RASEF: variants seen among roughly 807,000 people sequenced by gnomAD.
RASEF encodes ras and EF-hand domain-containing protein.
In RASEF, 68 loss-of-function variants were observed where a neutral mutation model predicts 90.1. The observed-to-expected ratio is 0.75, with a 90% confidence interval of 0.62 to 0.92. RASEF has a LOEUF of 0.92. Among genes scored for constraint, RASEF ranks in the 40% least tolerant of loss-of-function variants. RASEF has a pLI of 0.00. For synonymous variants in RASEF, 331 were observed against 345.2 expected (o/e 0.96, Z 0.46); for missense variants, 949 against 937.2 (o/e 1.01, Z -0.16).
At chr9:82,996,722 C>G (rs554785915) in intron 14 of RASEF, among the ~76,000 whole-genome samples, 16 of 152,284 alleles carry the variant, frequency 1.1e-4, no homozygotes, top group African/African-American at 3.6e-4. Flanking sequence ...CCTAGGCTAC[C>G]TGGATTTTTA....
chr9:83,028,122 T>A (rs919672733), intron 1 of RASEF, among the ~76,000 whole-genome samples: 7 of 152,210 alleles, frequency 4.6e-5, no homozygotes, highest in Non-Finnish European at 8.8e-5. Flanking sequence ...AATACCAGCA[T>A]CAAATAATTC....
At chr9:83,059,335 C>T (rs1830164114) in intron 1 of RASEF, among the ~76,000 whole-genome samples, 1 of 140,982 alleles carries the variant, frequency 7.1e-6, no homozygotes, top group South Asian at 2.3e-4. Flanking sequence ...AATCTTTGAA[C>T]ACCAAGACTG....
chr9:83,214,686 T>G, the RASEF span, among the ~76,000 whole-genome samples: 1 of 152,032 alleles, frequency 6.6e-6, no homozygotes, highest in Non-Finnish European at 1.5e-5. Context: ...GTCTCAAAGA[T>G]CTGATGGTTT....
chr9:82,998,531 A>C, intron 12 of RASEF, 85 bp from the exon 13 acceptor site: 1 of 848,018 alleles, frequency 1.2e-6, no homozygotes, highest in South Asian at 1.4e-5. Context: ...ATGAAGCAAA[A>C]GCCAATAATA....
At chr9:83,116,034 T>C in the RASEF span, among the ~76,000 whole-genome samples, 1 of 152,158 alleles carries the variant, frequency 6.6e-6, no homozygotes, top group East Asian at 1.9e-4. Context: ...TATTCCAAAG[T>C]TAATGTAGTG....
chr9:83,041,462 CA>C (rs1330477122), intron 1 of RASEF, among the ~76,000 whole-genome samples: 3 of 152,192 alleles, frequency 2.0e-5, no homozygotes, highest in Non-Finnish European at 4.4e-5. Flanking sequence ...TCAAAAGTAT[CA>C]AACCAAGTAA....
At chr9:83,134,544 C>A in the RASEF span, among the ~76,000 whole-genome samples, 2 of 151,458 alleles carry the variant, frequency 1.3e-5, no homozygotes, top group Non-Finnish European at 2.9e-5. Context: ...GGCTTGTTAC[C>A]CACAGATTGG....
chr9:83,015,760 G>A, intron 4 of RASEF, 45 bp downstream of exon 4: 3 of 1,363,640 alleles, frequency 2.2e-6, no homozygotes, highest in Non-Finnish European at 3.2e-6. Flanking sequence ...TAGATACCCT[G>A]AGATGCTGAG....
At chr9:83,021,203 C>G (rs538484244) in intron 3 of RASEF, among the ~76,000 whole-genome samples, 1 of 152,172 alleles carries the variant, frequency 6.6e-6, no homozygotes, top group Non-Finnish European at 1.5e-5. Flanking sequence ...TCATGTCTAA[C>G]CCCTGTGAAG....
At chr9:83,111,890 A>C in the RASEF span, among the ~76,000 whole-genome samples, 1 of 152,060 alleles carries the variant, frequency 6.6e-6, no homozygotes, top group Non-Finnish European at 1.5e-5. Flanking sequence ...ACTATAAATG[A>C]CAAAATTAAA....
chr9:83,209,130 C>A, the RASEF span, among the ~76,000 whole-genome samples: 1 of 152,226 alleles, frequency 6.6e-6, no homozygotes, highest in Non-Finnish European at 1.5e-5. Context: ...ACTTTGGACA[C>A]TTCAAGGAGC....
intron 1 of RASEF, among the ~76,000 whole-genome samples, chr9:83,044,418 G>A (rs1304517512): frequency 1.3e-5 from 2 of 152,130 alleles, no homozygotes; most frequent in East Asian, 1.9e-4. Flanking sequence ...GGTGAAGACA[G>A]AGGGGTAGGA....
chr9:83,027,018 C>T (rs1368551327), intron 1 of RASEF, among the ~76,000 whole-genome samples: 1 of 152,158 alleles, frequency 6.6e-6, no homozygotes, highest in Non-Finnish European at 1.5e-5. Context: ...CCGTGACCCC[C>T]TCTTCAGTTC....
In RASEF at chr9:83,048,402, C is replaced by G; in HGVS notation, c.431+14035G>C. ...CAGGCCATCTACCTCGTGATTCTTG[C>G]TACTTTATATCCTCACTGATGTCAT... On this transcript the variant is annotated intron_variant, in intron 1 of 16. Coordinates refer to ENST00000376447, the MANE Select transcript of RASEF (RefSeq NM_152573.4). The G allele has an allele frequency of 3.0e-6, 3 of 985,322 alleles. No individual in the cohort carries two copies. In the African/African-American group the frequency reaches 5.2e-5, roughly 17 times the overall value. The allele number at this position is 985,322 out of a possible 1,614,324, so 61.0% of individuals were successfully genotyped here. A position where few individuals can be genotyped will look rare whatever the true frequency, so the allele number is the denominator to read the frequency against.
chr9:83,092,885 C>T, the RASEF span, among the ~76,000 whole-genome samples: 1 of 152,006 alleles, frequency 6.6e-6, no homozygotes, highest in Non-Finnish European at 1.5e-5. Context: ...TCTCCAAGGC[C>T]CCACCAGAGT....
the RASEF span, among the ~76,000 whole-genome samples, chr9:83,087,095 T>C: frequency 1.3e-5 from 2 of 152,194 alleles, no homozygotes; most frequent in South Asian, 2.1e-4. Context: ...GGGACTTGAA[T>C]ACCCAATAAG....
intron 1 of RASEF, chr9:83,054,834 G>GGT (rs1830073617): frequency 6.6e-6 from 1 of 151,382 alleles, no homozygotes; most frequent in African/African-American, 2.5e-5. Flanking sequence ...CCTGTTGGGG[G>GGT]GTGCCTCCCA....
rs1450709427 is a variant in RASEF, at chr9:83,008,891, CATATATATA to C, written c.959+741_959+749del. ...TCCCAACTAAATTTGAAGTTCTCAT[CATATATATA>C]TATATATATATATATATATATATAT... On this transcript the variant is annotated intron_variant, in intron 6 of 16. Coordinates refer to ENST00000376447, the MANE Select transcript of RASEF (RefSeq NM_152573.4). Among the ~76,000 whole-genome samples the C allele has an allele frequency of 2.3e-3, 45 of 19,558 alleles. 3 individuals carry two copies. The highest frequency in any genetic ancestry group is 8.3e-3 in the East Asian group (7 of 846). 12.8% of individuals were successfully genotyped at this position (19,558 alleles called of 152,430 possible). A position where few individuals can be genotyped will look rare whatever the true frequency, so the allele number is the denominator to read the frequency against.
At chr9:83,135,539 A>C in the RASEF span, among the ~76,000 whole-genome samples, 1 of 152,210 alleles carries the variant, frequency 6.6e-6, no homozygotes, top group African/African-American at 2.4e-5. Context: ...GCACACTTTA[A>C]AAGGGTGAGT....
Sources: gnomAD v4.1 joint callset for allele counts (sites outside exome capture counted in the v4.1 genomes callset) on GRCh38, gnomAD v4.1.1 for gene constraint, MANE v1.5 for transcripts, NCBI Gene and HGNC (gene_info 2026-07-23, HGNC 2026-07-21) for gene names.